ABLIM1: variants seen among roughly 807,000 people sequenced by gnomAD.
ABLIM1 encodes actin-binding LIM protein 1.
A neutral mutation model predicts 107.0 loss-of-function variants in ABLIM1; 40 were observed. The observed-to-expected ratio is 0.37, with a 90% CI of 0.29 to 0.49. The LOEUF (loss-of-function observed/expected upper bound fraction) is 0.49, where lower values mean the gene tolerates loss of function less well. ABLIM1 is among the 20% of genes least tolerant of loss of function. The pLI, the probability that ABLIM1 is intolerant of heterozygous loss-of-function variation, is 0.97. For synonymous variants in ABLIM1, 357 were observed against 357.3 expected, an observed-to-expected ratio of 1.00 and a Z score of 0.01; for missense variants, 857 against 1,008.5, an observed-to-expected ratio of 0.85 and a Z score of 2.04.
chr10:114,741,438 G>T (rs918338433), intron 1 of ABLIM1, among the ~76,000 whole-genome samples: 4 of 151,530 alleles, frequency 2.6e-5, no homozygotes, highest in African/African-American at 9.7e-5. Flanking sequence ...TGTTAGCCAG[G>T]ATGGTCTCGA....
Position 114,437,921 on chromosome 10 carries a change from A to G in ABLIM1, c.2146T>C (p.Phe716Leu), listed in dbSNP as rs558708683. 11 of 1,613,586 alleles carry G rather than the reference A, an allele frequency of 6.8e-6. No individual in the cohort carries two copies. The highest frequency in any genetic ancestry group is 8.5e-6 in the Non-Finnish European group (10 of 1,179,678). Residue 716 changes from phenylalanine (F) to leucine (L), a missense_variant, in exon 22 of 23, where the codon TTT becomes CTT. Coordinates refer to ENST00000533213, the MANE Select transcript of ABLIM1 (RefSeq NM_002313.7). ...SMPNMLEPKI[F>L]PYEMLMVTNR... ...GTCACCATGAGCATTTCATATGGAA[A>G]TATCTGAGAAGAAAGAAAACACCTC...
chr10:114,705,039 T>C (rs915140164), intron 1 of ABLIM1, among the ~76,000 whole-genome samples: 3 of 152,304 alleles, frequency 2.0e-5, no homozygotes, highest in Non-Finnish European at 2.9e-5. Context: ...CAAGTTCTTT[T>C]TTTTTTCATT....
chr10:114,554,164 C>T (rs1009334494), intron 4 of ABLIM1, among the ~76,000 whole-genome samples: 1 of 152,176 alleles, frequency 6.6e-6, no homozygotes, highest in Non-Finnish European at 1.5e-5. Flanking sequence ...AGCACAATAA[C>T]GCCAGTTACA....
At chr10:114,655,818 G>T (rs548665819) in intron 1 of ABLIM1, among the ~76,000 whole-genome samples, 19 of 152,318 alleles carry the variant, frequency 1.2e-4, no homozygotes, top group Admixed American at 3.3e-4. Context: ...AGACTGTTAA[G>T]AGTAAGAGAC....
chr10:114,494,155 A>G (rs2059379952), intron 6 of ABLIM1, among the ~76,000 whole-genome samples: 1 of 152,220 alleles, frequency 6.6e-6, no homozygotes, highest in Non-Finnish European at 1.5e-5. Flanking sequence ...ATGAGCCGAA[A>G]GAATGGATTA....
At chr10:114,577,525 C>T (rs1054729538) in intron 2 of ABLIM1, among the ~76,000 whole-genome samples, 7 of 152,186 alleles carry the variant, frequency 4.6e-5, no homozygotes, top group African/African-American at 1.7e-4. Context: ...AAAGCTAATT[C>T]TAAATGTTTT....
rs1447026674 is a variant in ABLIM1, at chr10:114,435,230, G to A, written c.*1030C>T. 1.3e-5 allele frequency: 2 copies of A among 152,220 alleles called. No individual in the cohort carries two copies. Among genetic ancestry groups the A allele is most frequent in the Non-Finnish European group, 1.5e-5 (1 of 68,048 alleles). 9.4% of individuals were successfully genotyped at this position (152,220 alleles called of 1,614,324 possible). ...ACATGTCTTTCCTTAGCCTATTATT[G>A]AAAGAAACCTTAAAAACCAACAACA... is the stretch of plus-strand genomic sequence containing the variant. On this transcript the variant is annotated 3_prime_UTR_variant, in exon 23 of 23. Transcript: ENST00000533213.
At chr10:114,666,377 C>T (rs190591333) in intron 1 of ABLIM1, among the ~76,000 whole-genome samples, 1 of 152,034 alleles carries the variant, frequency 6.6e-6, no homozygotes, top group Admixed American at 6.5e-5. Context: ...TTCTTTTTTA[C>T]TGCTAGGGAT....
chr10:114,752,057 C>T (rs1192167027), intron 1 of ABLIM1, among the ~76,000 whole-genome samples: 3 of 152,214 alleles, frequency 2.0e-5, no homozygotes. Flanking sequence ...GCCAGTCTCT[C>T]TCCTGTCTAC....
At chr10:114,517,516 C>T (rs1421878103) in intron 6 of ABLIM1, among the ~76,000 whole-genome samples, 4 of 152,070 alleles carry the variant, frequency 2.6e-5, no homozygotes, top group Non-Finnish European at 5.9e-5. Context: ...TGACAGAATA[C>T]ATTTCTGTCA....
At chr10:114,735,502 G>A (rs1051489465) in intron 1 of ABLIM1, among the ~76,000 whole-genome samples, 3 of 152,140 alleles carry the variant, frequency 2.0e-5, no homozygotes, top group African/African-American at 4.8e-5. Context: ...ACGGAGTCTC[G>A]CTCTGTCACC....
chr10:114,615,234 TG>T (rs2077057956), intron 1 of ABLIM1, among the ~76,000 whole-genome samples: 1 of 151,970 alleles, frequency 6.6e-6, no homozygotes, highest in Non-Finnish European at 1.5e-5. Context: ...AGATGCGCTC[TG>T]GCCCCACCAC....
At chr10:114,558,902 A>AGTGTGTGTGTGT (rs377352513) in intron 4 of ABLIM1, among the ~76,000 whole-genome samples, 22,976 of 148,352 alleles carry the variant, frequency 0.15, 1,931 homozygotes, top group Middle Eastern at 0.23. Flanking sequence ...AGGGAGAACT[A>AGTGTGTGTGTGT]GTGTGTGTGT....
At chr10:114,558,409 G>A (rs1285023518) in intron 4 of ABLIM1, among the ~76,000 whole-genome samples, 4 of 152,148 alleles carry the variant, frequency 2.6e-5, no homozygotes, top group African/African-American at 9.7e-5. Flanking sequence ...CCCATTCCCA[G>A]AAGTATCAGA....
At chr10:114,560,405 G>A (rs1222648766) in intron 4 of ABLIM1, among the ~76,000 whole-genome samples, 1 of 152,196 alleles carries the variant, frequency 6.6e-6, no homozygotes, top group Non-Finnish European at 1.5e-5. Flanking sequence ...AGATTGCAAC[G>A]AAGCTGAAAA....
intron 1 of ABLIM1, among the ~76,000 whole-genome samples, chr10:114,680,665 TC>T (rs2080708989): frequency 6.6e-6 from 1 of 152,068 alleles, no homozygotes; most frequent in African/African-American, 2.4e-5. Context: ...TCCCGAAGGA[TC>T]CCCCGGGCCT....
intron 6 of ABLIM1, among the ~76,000 whole-genome samples, chr10:114,530,653 C>A (rs2065351057): frequency 6.6e-6 from 1 of 152,302 alleles, no homozygotes; most frequent in African/African-American, 2.4e-5. Flanking sequence ...CGTGCCTCAG[C>A]CTCCCAAGTA....
chr10:114,465,729 C>T lies in ABLIM1; in HGVS notation c.1410G>A (p.Thr470=), dbSNP rs150237298. Residue 470 remains threonine, a synonymous_variant, in exon 12 of 23, where the codon ACG becomes ACA. Transcript: ENST00000533213. ...TGTGGAAATGCTGGGGAGAGCGGGA[C>T]GTGGTTGGAGTGTAGCTGTGGCGGC... ...VYSRHSYTPT[T]SRSPQHFHRP... 4.7e-5 allele frequency: 76 copies of T among 1,613,980 alleles called. No individual in the cohort carries two copies. Among genetic ancestry groups the T allele is most frequent in the Admixed American group, 6.7e-5 (4 of 60,002 alleles).
chr10:114,491,012 G>GTGTGTGTATATATATATATATATATATA, intron 7 of ABLIM1, among the ~76,000 whole-genome samples: 62 of 92,356 alleles, frequency 6.7e-4, no homozygotes, highest in Admixed American at 2.6e-3. Flanking sequence ...GTGTGTGTGT[G>GTGTGTGTATATATATATATATATATATA]TATATATATA....
Sources: allele counts gnomAD v4.1 joint callset (sites outside exome capture counted in the v4.1 genomes callset), GRCh38; gene constraint gnomAD v4.1.1; transcripts MANE v1.5; gene names NCBI Gene and HGNC (gene_info 2026-07-23, HGNC 2026-07-21).